FUT9: variants seen among roughly 807,000 people sequenced by gnomAD.
FUT9 encodes the protein fucosyltransferase 9.
A neutral mutation model predicts 29.7 loss-of-function variants in FUT9; 15 were observed. The observed-to-expected ratio is 0.51, with a 90% confidence interval of 0.34 to 0.78. The LOEUF is 0.78. Ranked by LOEUF, FUT9 falls within the 30% of genes least tolerant of loss-of-function variation. FUT9 has a pLI of 0.01. For synonymous variants in FUT9, 169 were observed against 153.7 expected (o/e 1.10, Z -0.74); for missense variants, 319 against 425.4 (o/e 0.75, Z 2.20).
At chr6:96,042,053 T>C (rs73757718) in intron 1 of FUT9, among the ~76,000 whole-genome samples, 8,302 of 152,236 alleles carry the variant, frequency 0.055, 272 homozygotes, top group African/African-American at 0.078. Flanking sequence ...CCTATAACTT[T>C]CAGTTATTTC....
At chr6:96,056,506 A>G (rs1482867037) in intron 1 of FUT9, among the ~76,000 whole-genome samples, 5 of 152,186 alleles carry the variant, frequency 3.3e-5, no homozygotes, top group South Asian at 2.1e-4. Context: ...ACCTTTTTCC[A>G]TGACTATCAC....
intron 2 of FUT9, among the ~76,000 whole-genome samples, chr6:96,129,392 G>C (rs1772200147): frequency 6.6e-6 from 1 of 151,756 alleles, no homozygotes; most frequent in African/African-American, 2.4e-5. Context: ...AGGCTTCGAG[G>C]CTGAAGTAAG....
At chr6:96,144,596 C>T (rs991925392) in intron 2 of FUT9, among the ~76,000 whole-genome samples, 21 of 152,156 alleles carry the variant, frequency 1.4e-4, no homozygotes, top group African/African-American at 4.8e-4. Flanking sequence ...TGATTAAAAA[C>T]ACCATGGATC....
intron 2 of FUT9, among the ~76,000 whole-genome samples, chr6:96,179,592 A>G (rs1254542516): frequency 6.6e-6 from 1 of 152,182 alleles, no homozygotes; most frequent in Non-Finnish European, 1.5e-5. Context: ...TATGTTACAT[A>G]AATACATGAA....
chr6:96,145,253 T>A (rs1266190885), intron 2 of FUT9, among the ~76,000 whole-genome samples: 1 of 151,994 alleles, frequency 6.6e-6, no homozygotes, highest in Non-Finnish European at 1.5e-5. Context: ...AGAAACGGGG[T>A]TTCACCGTGT....
intron 2 of FUT9, among the ~76,000 whole-genome samples, chr6:96,162,675 A>G (rs564659028): frequency 2.6e-5 from 4 of 152,332 alleles, no homozygotes; most frequent in South Asian, 2.1e-4. Flanking sequence ...TGATTGTTAT[A>G]GTAGTATATG....
At position 96,135,237 on chromosome 6, in the gene FUT9, A is replaced by T. The variant is rs74522756; in HGVS notation, c.-9+21110A>T. ...AGTATAATCAAATGTTAGTATATGT[A>T]CAGTACATACTTATCTATAAACACA... is the stretch of plus-strand genomic sequence containing the variant. On this transcript the variant is annotated intron_variant, in intron 2 of 2. Coordinates refer to ENST00000302103, the MANE Select transcript of FUT9 (RefSeq NM_006581.4). Among the ~76,000 whole-genome samples the T allele has an allele frequency of 4.9e-3, 740 of 152,100 alleles. 7 individuals carry two copies. Among genetic ancestry groups the T allele is most frequent in the African/African-American group, 0.017 (704 of 41,550 alleles).
rs549618506 is a variant in FUT9, at chr6:96,208,929, G to A, written c.*4694G>A. 6.0e-6 allele frequency: 1 copy of A among 166,256 alleles called. No homozygotes were observed. Among genetic ancestry groups the A allele is most frequent in the Non-Finnish European group, 1.5e-5 (1 of 67,852 alleles). The allele number at this position is 166,256 out of a possible 1,614,324, so 10.3% of individuals were successfully genotyped here. A position where few individuals can be genotyped will look rare whatever the true frequency, so the allele number is the denominator to read the frequency against. On this transcript the variant is annotated 3_prime_UTR_variant, in exon 3 of 3. Transcript: ENST00000302103. ...TTTTTTCTGGATGTCTCAATCTAGA[G>A]ATTTTGTAGCATTTTGCAAATGGGT...
At chr6:96,108,606 C>A (rs75292799) in intron 1 of FUT9, among the ~76,000 whole-genome samples, 1 of 152,114 alleles carries the variant, frequency 6.6e-6, no homozygotes, top group Non-Finnish European at 1.5e-5. Flanking sequence ...CCTTCACTGC[C>A]TTGTGCATGT....
chr6:96,121,801 AAT>A (rs1376213115), intron 2 of FUT9, among the ~76,000 whole-genome samples: 1 of 151,876 alleles, frequency 6.6e-6, no homozygotes, highest in East Asian at 1.9e-4. Context: ...CCCCCAAATG[AAT>A]ATAATGATTC....
intron 1 of FUT9, among the ~76,000 whole-genome samples, chr6:96,088,510 T>C (rs1429184958): frequency 6.7e-6 from 1 of 149,966 alleles, no homozygotes; most frequent in Admixed American, 6.8e-5. Context: ...CATAGCTGTA[T>C]GATTCTCTGT....
At chr6:96,182,158 G>C (rs1335641381) in intron 2 of FUT9, among the ~76,000 whole-genome samples, 1 of 151,942 alleles carries the variant, frequency 6.6e-6, no homozygotes, top group Non-Finnish European at 1.5e-5. Context: ...GTTTTGATTT[G>C]CATTTCCTTG....
chr6:96,086,556 T>G (rs1351499580), intron 1 of FUT9, among the ~76,000 whole-genome samples: 1 of 152,218 alleles, frequency 6.6e-6, no homozygotes, highest in Non-Finnish European at 1.5e-5. Flanking sequence ...TGTATTTTCC[T>G]TCTTAAAGTC....
intron 1 of FUT9, among the ~76,000 whole-genome samples, chr6:96,016,740 C>T (rs1769986929): frequency 6.6e-6 from 1 of 152,112 alleles, no homozygotes; most frequent in African/African-American, 2.4e-5. Context: ...GACCTCATTC[C>T]CTCTACACAA....
At position 96,206,634 on chromosome 6, in the gene FUT9, T is replaced by C. The variant is rs1374056307; in HGVS notation, c.*2399T>C. The C allele has an allele frequency of 1.2e-5, 2 of 161,068 alleles. No individual in the cohort carries two copies. Among genetic ancestry groups the C allele is most frequent in the East Asian group, 3.9e-4 (2 of 5,186 alleles). The allele number at this position is 161,068 out of a possible 1,614,324, so 10.0% of individuals were successfully genotyped here. On this transcript the variant is annotated 3_prime_UTR_variant, in exon 3 of 3. Transcript: ENST00000302103. ...TGTACCACTATGCCTGGCTAGTTTT[T>C]GTATTTTTAGTAGAGATGGGTTTCA...
rs1466039458 is a variant in FUT9, at chr6:96,210,267, ATT to A, written c.*6035_*6036del. On this transcript the variant is annotated 3_prime_UTR_variant, in exon 3 of 3. Coordinates refer to ENST00000302103, the MANE Select transcript of FUT9 (RefSeq NM_006581.4). ...AGTATTCTACTTCAAAATCCAAGAC[ATT>A]TTGTATACCTAATTATTTCACACAA... The A allele has an allele frequency of 6.0e-6, 1 of 166,888 alleles. No homozygotes were observed. The highest frequency in any genetic ancestry group is 1.5e-5 in the Non-Finnish European group (1 of 68,034). The allele number at this position is 166,888 out of a possible 1,614,324, so 10.3% of individuals were successfully genotyped here. A position where few individuals can be genotyped will look rare whatever the true frequency, so the allele number is the denominator to read the frequency against.
Position 96,214,415 on chromosome 6 carries a change from G to A in FUT9, c.*10180G>A, listed in dbSNP as rs936489029. ...TCTAGGCAGTCTTGACAGTCAACCA[G>A]TGTAATCACTAGGGGAAGAAAAAGT... On this transcript the variant is annotated 3_prime_UTR_variant, in exon 3 of 3. Coordinates refer to ENST00000302103, the MANE Select transcript of FUT9 (RefSeq NM_006581.4). The A allele has an allele frequency of 3.6e-5, 6 of 167,034 alleles. No homozygotes were observed. The highest frequency in any genetic ancestry group is 1.4e-4 in the African/African-American group (6 of 41,542). 10.3% of individuals were successfully genotyped at this position (167,034 alleles called of 1,614,324 possible).
At chr6:96,107,625 C>T (rs1356298969) in intron 1 of FUT9, among the ~76,000 whole-genome samples, 1 of 152,124 alleles carries the variant, frequency 6.6e-6, no homozygotes, top group Non-Finnish European at 1.5e-5. Context: ...AAATCTATGT[C>T]AAACATCTAT....
At chr6:96,093,880 C>T (rs577935920) in intron 1 of FUT9, among the ~76,000 whole-genome samples, 1 of 152,048 alleles carries the variant, frequency 6.6e-6, no homozygotes, top group South Asian at 2.1e-4. Context: ...AAAAACTTTC[C>T]CCAGGTTATA....
Sources: allele counts gnomAD v4.1 joint callset (sites outside exome capture counted in the v4.1 genomes callset), GRCh38; gene constraint gnomAD v4.1.1; transcripts MANE v1.5; gene names NCBI Gene and HGNC (gene_info 2026-07-23, HGNC 2026-07-21).